The following MED27 variants were observed in gnomAD, a reference collection of about 807,000 sequenced individuals.
MED27 encodes the protein mediator of RNA polymerase II transcription subunit 27.
MED27 carries 30 observed loss-of-function variants against 38.2 expected under a neutral mutation model. That is an observed-to-expected ratio of 0.79 (90% CI 0.59 to 1.07). The LOEUF (loss-of-function observed/expected upper bound fraction) is 1.07. Among genes scored for constraint, MED27 ranks in the 50% least tolerant of loss-of-function variants. The pLI is 0.00. For missense variants in MED27, 289 were observed against 397.5 expected, an observed-to-expected ratio of 0.73 and a Z score of 2.32; for synonymous variants, 122 against 153.5, an observed-to-expected ratio of 0.79 and a Z score of 1.52.
chr9:131,888,703 G>C (rs1839180869), intron 5 of MED27, among the ~76,000 whole-genome samples: 1 of 152,114 alleles, frequency 6.6e-6, no homozygotes, highest in Non-Finnish European at 1.5e-5. Flanking sequence ...CAGGTGATAG[G>C]CCTATCAGTT....
chr9:131,908,686 G>C (rs986609427), intron 4 of MED27, among the ~76,000 whole-genome samples: 9 of 152,030 alleles, frequency 5.9e-5, no homozygotes, highest in Admixed American at 2.0e-4. Flanking sequence ...CAGCATGCTC[G>C]TTAAGAGTCA....
At chr9:131,994,393 C>G (rs999031588) in intron 3 of MED27, among the ~76,000 whole-genome samples, 3 of 152,302 alleles carry the variant, frequency 2.0e-5, no homozygotes, top group African/African-American at 7.2e-5. Flanking sequence ...CCCAATACTG[C>G]ATTAAAAACC....
chr9:131,950,140 C>T (rs992775461), intron 3 of MED27, among the ~76,000 whole-genome samples: 3 of 151,786 alleles, frequency 2.0e-5, no homozygotes, highest in Admixed American at 6.6e-5. Context: ...TACATCTTTA[C>T]GAGAGAGAAA....
chr9:131,891,736 A>G (rs543588549), intron 5 of MED27, among the ~76,000 whole-genome samples: 2 of 152,232 alleles, frequency 1.3e-5, no homozygotes, highest in Non-Finnish European at 2.9e-5. Context: ...TTAGGAAGAC[A>G]GCTCTGGAAG....
At chr9:131,921,738 C>T (rs538930786) in intron 4 of MED27, among the ~76,000 whole-genome samples, 12 of 152,222 alleles carry the variant, frequency 7.9e-5, no homozygotes, top group East Asian at 7.7e-4. Flanking sequence ...ATGTTTACTG[C>T]GGCACTATTC....
intron 4 of MED27, among the ~76,000 whole-genome samples, chr9:131,914,549 C>G (rs556972538): frequency 6.6e-6 from 1 of 152,186 alleles, no homozygotes; most frequent in Non-Finnish European, 1.5e-5. Context: ...ACAGCAGTGA[C>G]CAAAACAGTC....
chr9:131,886,567 C>A (rs1839144967), intron 5 of MED27, among the ~76,000 whole-genome samples: 1 of 152,198 alleles, frequency 6.6e-6, no homozygotes, highest in East Asian at 1.9e-4. Context: ...ACTGAAACCA[C>A]TGGATGGAGT....
intron 3 of MED27, among the ~76,000 whole-genome samples, chr9:131,963,963 G>A (rs75636616): frequency 2.2e-4 from 33 of 151,992 alleles, no homozygotes; most frequent in Non-Finnish European, 4.4e-4. Flanking sequence ...AATTTATTAC[G>A]GGGGTTAAAA....
intron 2 of MED27, among the ~76,000 whole-genome samples, chr9:132,057,302 C>T (rs528332356): frequency 6.0e-4 from 92 of 152,312 alleles, no homozygotes; most frequent in Admixed American, 5.8e-3. Flanking sequence ...GTAGCCTTAG[C>T]GTCCTCATCC....
In MED27 at chr9:131,860,857, G is replaced by C. The variant is rs1408911293; in HGVS notation, c.802-185C>G. ...CACCTGACTGCTGATGTTCACGTCT[G>C]ATGCTCGCGTGCCCCTCCTAACCGA... On this transcript the variant is annotated intron_variant, in intron 7 of 7. Coordinates refer to ENST00000292035, the MANE Select transcript of MED27 (RefSeq NM_004269.4). The surrounding 1 kb of genome is among the most constrained non-coding windows in gnomAD (Gnocchi z 5.8). Among the ~76,000 whole-genome samples the C allele has an allele frequency of 6.6e-6, 1 of 152,174 alleles. No homozygotes were observed. Among genetic ancestry groups the C allele is most frequent in the Non-Finnish European group, 1.5e-5 (1 of 68,032 alleles).
intron 3 of MED27, among the ~76,000 whole-genome samples, chr9:132,000,702 T>A (rs114190579): frequency 0.016 from 2,405 of 152,112 alleles, 64 homozygotes; most frequent in African/African-American, 0.054. Context: ...ACAATATGGA[T>A]GAATCTCAAA....
In MED27 at chr9:131,982,708, C is replaced by G. The variant is rs1309032594; in HGVS notation, c.479+31629G>C. On this transcript the variant is annotated intron_variant, in intron 3 of 7. Transcript: ENST00000292035. This position sits in a 1 kb window ranked among gnomAD's most constrained non-coding sequence, Gnocchi z 4.3. ...GGTGGTCCTCTAAATTGGGGACCAA[C>G]AAACATCTTCTTGAAGGCCCAGGGA... 6.6e-6 allele frequency among the ~76,000 whole-genome samples: 1 copy of G among 152,166 alleles called. No individual in the cohort carries two copies. The highest frequency in any genetic ancestry group is 2.4e-5 in the African/African-American group (1 of 41,430).
chr9:132,071,530 G>A (rs766458008), intron 2 of MED27, among the ~76,000 whole-genome samples: 121 of 151,388 alleles, frequency 8.0e-4, no homozygotes, highest in Non-Finnish European at 1.5e-3. Context: ...ACACACATGC[G>A]AGTAACACAC....
intron 2 of MED27, among the ~76,000 whole-genome samples, chr9:132,068,693 G>A (rs1833864053): frequency 6.6e-6 from 1 of 152,018 alleles, no homozygotes; most frequent in South Asian, 2.1e-4. Context: ...ACCACGAGAA[G>A]CAGGTTGGTG....
At chr9:131,863,532 C>T (rs1264698162) in intron 6 of MED27, among the ~76,000 whole-genome samples, 3 of 152,230 alleles carry the variant, frequency 2.0e-5, no homozygotes, top group Non-Finnish European at 2.9e-5. Context: ...CCGCCCGGTA[C>T]GCACACTTCC....
At chr9:131,910,060 CA>C (rs1298405963) in intron 4 of MED27, among the ~76,000 whole-genome samples, 2 of 152,130 alleles carry the variant, frequency 1.3e-5, no homozygotes, top group Non-Finnish European at 2.9e-5. Flanking sequence ...AATGCATTTA[CA>C]AAACTGTTTG....
At chr9:131,886,649 C>T (rs1839146220) in intron 5 of MED27, among the ~76,000 whole-genome samples, 1 of 152,216 alleles carries the variant, frequency 6.6e-6, no homozygotes, top group Admixed American at 6.5e-5. Context: ...GGAAAAGTGA[C>T]ATGTTACCTC....
intron 3 of MED27, among the ~76,000 whole-genome samples, chr9:132,005,260 A>G (rs1832334674): frequency 6.6e-6 from 1 of 152,202 alleles, no homozygotes; most frequent in African/African-American, 2.4e-5. Context: ...ATGATCCCAT[A>G]CCCTTGGCCT....
intron 3 of MED27, among the ~76,000 whole-genome samples, chr9:132,000,160 G>C (rs1372639707): frequency 2.0e-5 from 3 of 149,806 alleles, no homozygotes; most frequent in Non-Finnish European, 4.4e-5. Context: ...GAGAAATACA[G>C]GTTTTCAGAA....
Sources: allele counts gnomAD v4.1 joint callset (sites outside exome capture counted in the v4.1 genomes callset), GRCh38; gene constraint gnomAD v4.1.1; non-coding constraint Gnocchi (gnomAD v3.1); transcripts MANE v1.5; gene names NCBI Gene and HGNC (gene_info 2026-07-23, HGNC 2026-07-21).